The following HOPX variants were observed in gnomAD, a reference collection of about 807,000 sequenced individuals.
The protein encoded by HOPX is homeodomain-only protein.
HOPX carries 5 observed loss-of-function variants against 11.8 expected under a neutral mutation model. The observed-to-expected ratio is 0.43, with a 90% CI of 0.22 to 0.89. The LOEUF (loss-of-function observed/expected upper bound fraction) is 0.89, where lower values mean the gene tolerates loss of function less well. Among genes scored for constraint, HOPX ranks in the 40% least tolerant of loss-of-function variants. The probability of loss-of-function intolerance (pLI) is 0.28; values close to 1 mark genes in which losing one functional copy is unlikely to be tolerated. For missense variants in HOPX, 119 were observed against 120.0 expected (o/e 0.99, Z 0.04); for synonymous variants, 49 against 49.7 (o/e 0.99, Z 0.06).
At chr4:56,671,856 G>A (rs1371052673) in intron 1 of HOPX, among the ~76,000 whole-genome samples, 2 of 151,974 alleles carry the variant, frequency 1.3e-5, no homozygotes, top group Non-Finnish European at 2.9e-5. Context: ...TAGTCTCCAG[G>A]TAACTTTGGA....
At position 56,673,735 on chromosome 4, in the gene HOPX, C is replaced by T. The variant is rs534252609; in HGVS notation, c.-84+7520G>A. On this transcript the variant is annotated intron_variant, in intron 1 of 3. Transcript: ENST00000420433. ...TGATTTGAGTGTGTGTGTGTAGTCT[C>T]GCTCTGTCACCCAGACTGGAGTGCA... 4.1e-4 allele frequency among the ~76,000 whole-genome samples: 60 copies of T among 146,332 alleles called. 1 individual carries two copies. The highest frequency in any genetic ancestry group is 1.2e-3 in the African/African-American group (48 of 39,746).
intron 1 of HOPX, among the ~76,000 whole-genome samples, chr4:56,668,557 G>GT (rs889645154): frequency 2.6e-4 from 40 of 152,056 alleles, no homozygotes; most frequent in African/African-American, 8.9e-4. Context: ...TCTTTTTTTA[G>GT]TTTTTTTAGA....
At chr4:56,660,672 T>C (rs1011955568) in intron 1 of HOPX, among the ~76,000 whole-genome samples, 5 of 152,212 alleles carry the variant, frequency 3.3e-5, no homozygotes, top group Admixed American at 1.3e-4. Flanking sequence ...TGGAAAAGTA[T>C]GAGAGTTGTT....
chr4:56,656,052 G>T (rs776755916), intron 2 of HOPX, 40 bp from the exon 3 acceptor site: 36 of 1,504,634 alleles, frequency 2.4e-5, no homozygotes, highest in Non-Finnish European at 3.2e-5. Flanking sequence ...AGCGAGGCGT[G>T]GAGCGGGCGG....
intron 3 of HOPX, among the ~76,000 whole-genome samples, chr4:56,655,349 TC>T (rs1560363200): frequency 6.6e-6 from 1 of 152,094 alleles, no homozygotes; most frequent in Non-Finnish European, 1.5e-5. Flanking sequence ...GCGCCCTCCC[TC>T]CCGGCCTCAG....
intron 1 of HOPX, chr4:56,676,501 G>C (rs947483334): frequency 6.6e-6 from 1 of 151,482 alleles, no homozygotes; most frequent in African/African-American, 2.4e-5. Flanking sequence ...ATACAAACCT[G>C]TTTTATCAGT....
chr4:56,669,713 C>T (rs970240237), intron 1 of HOPX, among the ~76,000 whole-genome samples: 1 of 151,528 alleles, frequency 6.6e-6, no homozygotes, highest in African/African-American at 2.4e-5. Context: ...AACACCAGTA[C>T]AACAGGCATA....
intron 1 of HOPX, among the ~76,000 whole-genome samples, chr4:56,669,310 G>A (rs1718605398): frequency 6.6e-6 from 1 of 152,154 alleles, no homozygotes. Flanking sequence ...AGGAACCAAG[G>A]AGCTTCTTAG....
intron 1 of HOPX, 55 bp from the exon 2 acceptor site, chr4:56,657,954 C>T (rs1227922543): frequency 2.0e-6 from 3 of 1,505,980 alleles, no homozygotes; most frequent in Non-Finnish European, 8.9e-7. Flanking sequence ...AGCTCATTGC[C>T]ATTTTGAATG....
At chr4:56,655,233 G>T (rs747814381) in intron 3 of HOPX, among the ~76,000 whole-genome samples, 2 of 152,178 alleles carry the variant, frequency 1.3e-5, no homozygotes, top group African/African-American at 2.4e-5. Context: ...TAAAAAATCG[G>T]AACCAAATCT....
At chr4:56,659,085 C>T (rs1717952488) in intron 1 of HOPX, 1 of 152,136 alleles carries the variant, frequency 6.6e-6, no homozygotes, top group Admixed American at 6.6e-5. Context: ...TCTGTAGTAA[C>T]CAAAAAATTT....
At chr4:56,670,339 G>T (rs535043098) in intron 1 of HOPX, among the ~76,000 whole-genome samples, 69 of 152,256 alleles carry the variant, frequency 4.5e-4, no homozygotes, top group Non-Finnish European at 8.7e-4. Context: ...ACCAAGAAAT[G>T]AGGCAAATAG....
intron 1 of HOPX, among the ~76,000 whole-genome samples, chr4:56,670,069 T>C (rs1718655205): frequency 6.6e-6 from 1 of 152,250 alleles, no homozygotes; most frequent in Non-Finnish European, 1.5e-5. Context: ...GACTGAGTTA[T>C]GCTTGGGCCT....
chr4:56,666,000 G>A (rs1276786735), intron 1 of HOPX, among the ~76,000 whole-genome samples: 2 of 152,198 alleles, frequency 1.3e-5, no homozygotes, highest in Admixed American at 6.5e-5. Context: ...AGGAACAGAA[G>A]AAAGGCAGTG....
At chr4:56,677,759 C>T (rs12649147) in intron 1 of HOPX, among the ~76,000 whole-genome samples, 4 of 151,044 alleles carry the variant, frequency 2.6e-5, no homozygotes, top group East Asian at 3.9e-4. Flanking sequence ...GAAGTCACAA[C>T]GACAAACTTC....
intron 1 of HOPX, among the ~76,000 whole-genome samples, chr4:56,669,279 C>T (rs79166728): frequency 0.026 from 3,677 of 143,850 alleles, 129 homozygotes; most frequent in African/African-American, 0.095. Flanking sequence ...CAAGGGACAA[C>T]GGAGGAACCC....
chr4:56,670,227 C>T (rs1718662607), intron 1 of HOPX, among the ~76,000 whole-genome samples: 1 of 152,088 alleles, frequency 6.6e-6, no homozygotes, highest in Admixed American at 6.5e-5. Flanking sequence ...GGGGCACAGC[C>T]ACGCACTCAG....
chr4:56,648,784 T>C lies in HOPX; in HGVS notation c.212A>G (p.Gln71Arg), dbSNP rs954593776. ...SEEETQKWFK[Q>R]RLAKWRRSEG... ...TGAGCGCCGCCACTTTGCCAGGCGCTGCTTAAACCATTTCTGGAAGAGAGA... is the reference window on the plus strand; with the variant it reads ...TGAGCGCCGCCACTTTGCCAGGCGCCGCTTAAACCATTTCTGGAAGAGAGA... Residue 71 changes from glutamine (Q) to arginine (R), a missense_variant, in exon 4 of 4, where the codon CAG (glutamine) becomes CGG (arginine). Transcript: ENST00000420433. The C allele has an allele frequency of 1.2e-6, 2 of 1,608,452 alleles. No homozygotes were observed. Among genetic ancestry groups the C allele is most frequent in the Non-Finnish European group, 1.7e-6 (2 of 1,175,380 alleles).
intron 3 of HOPX, among the ~76,000 whole-genome samples, chr4:56,655,376 A>T (rs1331442797): frequency 2.0e-5 from 3 of 152,104 alleles, no homozygotes; most frequent in Non-Finnish European, 4.4e-5. Flanking sequence ...TGGTTCGCCA[A>T]ACCGGAGGAC....
Sources: gnomAD v4.1 joint callset for allele counts (sites outside exome capture counted in the v4.1 genomes callset) on GRCh38, gnomAD v4.1.1 for gene constraint, MANE v1.5 for transcripts, NCBI Gene and HGNC (gene_info 2026-07-23, HGNC 2026-07-21) for gene names.